ATF6B: variants seen among roughly 807,000 people sequenced by gnomAD.
The protein encoded by ATF6B is cyclic AMP-dependent transcription factor ATF-6 beta.
In ATF6B, 50 loss-of-function variants were observed where a neutral mutation model predicts 83.5. The observed-to-expected ratio is 0.60, with a 90% CI of 0.48 to 0.76. ATF6B has a LOEUF of 0.76. ATF6B is among the 30% of genes least tolerant of loss of function. The pLI, the probability that ATF6B is intolerant of heterozygous loss-of-function variation, is 0.00. For synonymous variants in ATF6B, 344 were observed against 362.8 expected, an observed-to-expected ratio of 0.95 and a Z score of 0.59; for missense variants, 790 against 893.8, an observed-to-expected ratio of 0.88 and a Z score of 1.48.
chr6:32,115,883 G>A lies in ATF6B; in HGVS notation c.1968C>T (p.His656=), dbSNP rs1188986353. The A allele has an allele frequency of 2.5e-6, 4 of 1,614,172 alleles. No homozygotes were observed. Among genetic ancestry groups the A allele is most frequent in the African/African-American group, 2.7e-5 (2 of 75,038 alleles). The change falls in exon 18 of 18, where the codon CAC becomes CAT. Residue 656 remains histidine (H), a synonymous_variant. Transcript: ENST00000375203. ...AGGGGGGCACTGTGGAGGTCTTGATGTGAATCACCCTGGTGTCCATGACCT... is the reference window on the plus strand; with the variant it reads ...AGGGGGGCACTGTGGAGGTCTTGATATGAATCACCCTGGTGTCCATGACCT... ...ECEVMDTRVI[H]IKTSTVPPSL...
intron 2 of ATF6B, 65 bp downstream of exon 2, chr6:32,127,606 T>C (rs1561772111): frequency 1.2e-6 from 2 of 1,611,436 alleles, no homozygotes; most frequent in African/African-American, 1.3e-5. Flanking sequence ...GGCCTGTGAA[T>C]GGGTCCAGGT....
rs771202935 is a variant in ATF6B, at chr6:32,117,899, T to G, written c.1384A>C (p.Lys462Gln). The change falls in exon 12 of 18, where the codon AAG (lysine) becomes CAG (glutamine). Residue 462 changes from lysine to glutamine, a missense_variant. Around this residue, in one of 3 missense-constraint regions of ATF6B, gnomAD observed 530 missense variants for 632.6 expected, o/e 0.84. Transcript: ENST00000375203. This position sits in a 1 kb window ranked among gnomAD's most constrained non-coding sequence, Gnocchi z 5.0. ...EPLQGSSQGP[K>Q]EPQPSPTDQP... Reference sequence around the variant, plus strand: ...TCTGTGGGGCTGGGCTGGGGCTCCTTAGGGCCCTGGGAGGACCCCTGGAGA... The same window carrying G: ...TCTGTGGGGCTGGGCTGGGGCTCCTGAGGGCCCTGGGAGGACCCCTGGAGA... 1 of 1,586,922 alleles carries G rather than the reference T, an allele frequency of 6.3e-7. No homozygotes were observed. The highest frequency in any genetic ancestry group is 1.8e-5 in the Admixed American group (1 of 55,510).
Position 32,119,810 on chromosome 6 carries a change from TCCC to T in ATF6B, c.966+11_966+13del, listed in dbSNP as rs1253740423. 6.2e-7 allele frequency: 1 copy of T among 1,612,946 alleles called. No individual in the cohort carries two copies. Among genetic ancestry groups the T allele is most frequent in the Admixed American group, 1.7e-5 (1 of 59,888 alleles). ...CCCATCACTCGCCCTACTTCTCTCC[TCCC>T]CAACACTTACATCCACTTCAGGCGG... On this transcript the variant is annotated intron_variant, in intron 9 of 17. Transcript: ENST00000375203. This position sits in a 1 kb window ranked among gnomAD's most constrained non-coding sequence, Gnocchi z 4.9.
chr6:32,121,207 T>C, intron 6 of ATF6B, 56 bp downstream of exon 6: 2 of 1,609,772 alleles, frequency 1.2e-6, no homozygotes, highest in Admixed American at 1.7e-5. Context: ...CTCATACCTC[T>C]AGGTCAGGAG....
At chr6:32,127,358 A>G in intron 3 of ATF6B, 84 bp downstream of exon 3, 2 of 1,477,840 alleles carry the variant, frequency 1.4e-6, no homozygotes, top group African/African-American at 2.8e-5. Context: ...AAGCGTGAGG[A>G]TATAGGAAGC....
chr6:32,126,026 G>A (rs1781957678), intron 5 of ATF6B, 91 bp downstream of exon 5: 2 of 1,524,860 alleles, frequency 1.3e-6, no homozygotes, highest in African/African-American at 1.4e-5. Flanking sequence ...CCTGCTGCCT[G>A]CACTTCCCCT....
chr6:32,115,817 T>C lies in ATF6B; in HGVS notation c.2034A>G (p.Thr678=), dbSNP rs755830795. The part of the protein sequence containing the change: ...KQPSPTPGNA[T]GGPLPVSAAS... ...CTGCAGAGACTGGCAAGGGGCCACC[T>C]GTGGCATTGCCTGGGGTTGGGGATG... is the stretch of plus-strand genomic sequence containing the variant. The change falls in exon 18 of 18, where the codon ACA becomes ACG. Residue 678 remains threonine (T), a synonymous_variant. Coordinates refer to ENST00000375203, the MANE Select transcript of ATF6B (RefSeq NM_004381.5). The C allele has an allele frequency of 4.4e-5, 71 of 1,613,860 alleles. No individual in the cohort carries two copies. The highest frequency in any genetic ancestry group is 5.8e-5 in the Non-Finnish European group (69 of 1,179,956).
intron 5 of ATF6B, among the ~76,000 whole-genome samples, chr6:32,121,656 G>A (rs900959169): frequency 8.5e-5 from 13 of 152,206 alleles, no homozygotes; most frequent in African/African-American, 2.2e-4. Flanking sequence ...AGCCAAGATC[G>A]CGCCATTGCA....
Position 32,118,737 on chromosome 6 carries a change from C to T in ATF6B, c.1244+38G>A. 2 of 1,599,656 alleles carry T rather than the reference C, an allele frequency of 1.3e-6. No homozygotes were observed. The highest frequency in any genetic ancestry group is 2.7e-5 in the African/African-American group (2 of 74,728). On this transcript the variant is annotated intron_variant, in intron 11 of 17. Coordinates refer to ENST00000375203, the MANE Select transcript of ATF6B (RefSeq NM_004381.5). The surrounding 1 kb of genome is among the most constrained non-coding windows in gnomAD (Gnocchi z 5.2). ...CAGCTAGGAGGCTGTAACGTGGGCT[C>T]CACCTGGAAGGTTCTAGTGAAGCAA... is the stretch of plus-strand genomic sequence containing the variant.
At chr6:32,127,335 G>T (rs564452675) in intron 3 of ATF6B, 107 bp downstream of exon 3, 17 of 1,369,110 alleles carry the variant, frequency 1.2e-5, no homozygotes, top group Admixed American at 2.3e-5. Flanking sequence ...AGAGAGGATA[G>T]GCACTTATGT....
chr6:32,120,395 G>A (rs1252520214), intron 8 of ATF6B: 1 of 155,872 alleles, frequency 6.4e-6, no homozygotes, highest in Non-Finnish European at 1.4e-5. Flanking sequence ...ACTGTGCCTG[G>A]CCTTTTTTTT....
Position 32,120,818 on chromosome 6 carries a change from GGCACA to G in ATF6B, c.780_784del (p.Val261SerfsTer31), listed in dbSNP as rs781674530. ...CTGCAGAAGGACTGTGGTGCTGGGAGGCACAGCTCTGGATGGCATTGGGACAGTGG... is the reference window on the plus strand; with the variant it reads ...CTGCAGAAGGACTGTGGTGCTGGGAGGCTCTGGATGGCATTGGGACAGTGG... On this transcript the variant is annotated frameshift_variant, in exon 8 of 18. Transcript: ENST00000375203. LOFTEE classifies it high-confidence loss of function. The G allele has an allele frequency of 6.2e-7, 1 of 1,609,988 alleles. No individual in the cohort carries two copies. The highest frequency in any genetic ancestry group is 8.5e-7 in the Non-Finnish European group (1 of 1,177,854).
Position 32,118,146 on chromosome 6 carries a change from C to T in ATF6B, c.1245-108G>A. ...ACTGCTTGAGTTGCAATCTGTTATA[C>T]AAGCCTGAGTCTGCCTCTGTAAGAT... On this transcript the variant is annotated intron_variant, in intron 11 of 17. Transcript: ENST00000375203. This position sits in a 1 kb window ranked among gnomAD's most constrained non-coding sequence, Gnocchi z 5.2. 3 of 1,362,560 alleles carry T rather than the reference C, an allele frequency of 2.2e-6. No homozygotes were observed. The highest frequency in any genetic ancestry group is 3.1e-6 in the Non-Finnish European group (3 of 975,230). The allele number at this position is 1,362,560 out of a possible 1,614,324, so 84.4% of individuals were successfully genotyped here.
At position 32,118,693 on chromosome 6, in the gene ATF6B, T is replaced by G; in HGVS notation, c.1244+82A>C. On this transcript the variant is annotated intron_variant, in intron 11 of 17. Transcript: ENST00000375203. This position sits in a 1 kb window ranked among gnomAD's most constrained non-coding sequence, Gnocchi z 5.2. ...CCATTTGTATATAAGCAGAAGGAAA[T>G]GGCCTGGGCCAAAGCAGGCAGCTAG... 1 of 1,405,430 alleles carries G rather than the reference T, an allele frequency of 7.1e-7. No individual in the cohort carries two copies. 87.1% of individuals were successfully genotyped at this position (1,405,430 alleles called of 1,614,324 possible).
Position 32,116,877 on chromosome 6 carries a change from G to C in ATF6B, c.1686-62C>G, listed in dbSNP as rs1332585938. ...AGCCCAATGCTCAGTTTCTACCAGGGAAGCGGGTAGGATGAGAGAAAAAGA... is the reference window on the plus strand; with the variant it reads ...AGCCCAATGCTCAGTTTCTACCAGGCAAGCGGGTAGGATGAGAGAAAAAGA... On this transcript the variant is annotated intron_variant, in intron 15 of 17. Coordinates refer to ENST00000375203, the MANE Select transcript of ATF6B (RefSeq NM_004381.5). This position sits in a 1 kb window ranked among gnomAD's most constrained non-coding sequence, Gnocchi z 5.1. 1 of 1,575,256 alleles carries C rather than the reference G, an allele frequency of 6.3e-7. No individual in the cohort carries two copies. Among genetic ancestry groups the C allele is most frequent in the Non-Finnish European group, 8.7e-7 (1 of 1,145,586 alleles).
At position 32,116,752 on chromosome 6, in the gene ATF6B, A is replaced by G. The variant is rs1413134838; in HGVS notation, c.1749T>C (p.Asp583=). 1.2e-6 allele frequency: 2 copies of G among 1,614,188 alleles called. No homozygotes were observed. The highest frequency in any genetic ancestry group is 2.2e-5 in the South Asian group (2 of 91,086). Reference sequence around the variant, plus strand: ...ATGTGTCTTCCCGTCGGTCAATTGCATCCAAGAATGCTGGCTGCGAACGGT... The same window carrying G: ...ATGTGTCTTCCCGTCGGTCAATTGCGTCCAAGAATGCTGGCTGCGAACGGT... ...HPDRSQPAFL[D]AIDRREDTFY... is the part of the protein sequence containing the mutation. The change falls in exon 16 of 18, where the codon GAT becomes GAC. Residue 583 remains aspartate, a synonymous_variant. Coordinates refer to ENST00000375203, the MANE Select transcript of ATF6B (RefSeq NM_004381.5). This position sits in a 1 kb window ranked among gnomAD's most constrained non-coding sequence, Gnocchi z 5.1.
intron 5 of ATF6B, among the ~76,000 whole-genome samples, chr6:32,122,067 C>A (rs1268770959): frequency 6.6e-6 from 1 of 152,178 alleles, no homozygotes; most frequent in Non-Finnish European, 1.5e-5. Flanking sequence ...CTTATCCCTG[C>A]CCAATGCATC....
chr6:32,127,387 C>G lies in ATF6B; in HGVS notation c.250+55G>C, dbSNP rs1237303121. The stretch of plus-strand genomic sequence containing the variant: ...AGGAAGCTACGTAGTTTCTGGGAAA[C>G]AGTGGGAAGATGAGGGTTTCTGGAA... On this transcript the variant is annotated intron_variant, in intron 3 of 17. Transcript: ENST00000375203. The G allele has an allele frequency of 1.0e-5, 16 of 1,558,338 alleles. 2 individuals are homozygous for G. In the South Asian group the frequency reaches 1.4e-4, roughly 13 times the overall value.
In ATF6B at chr6:32,121,256, T is replaced by G. The variant is rs1485974928; in HGVS notation, c.564+7A>C. 8.7e-6 allele frequency: 14 copies of G among 1,613,628 alleles called. No individual in the cohort carries two copies. The highest frequency in any genetic ancestry group is 8.5e-7 in the Non-Finnish European group (1 of 1,179,848). Reference sequence around the variant, plus strand: ...AACCTGGAGGAAGGAAGGAAGGTGGTGCTCACCTGGCTGGAGGAGTCGGCT... The same window carrying G: ...AACCTGGAGGAAGGAAGGAAGGTGGGGCTCACCTGGCTGGAGGAGTCGGCT... On this transcript the variant is annotated splice_region_variant and intron_variant, in intron 6 of 17. Transcript: ENST00000375203.
Sources: allele counts gnomAD v4.1 joint callset (sites outside exome capture counted in the v4.1 genomes callset), GRCh38; gene constraint gnomAD v4.1.1; regional missense constraint gnomAD v4.1.1; non-coding constraint Gnocchi (gnomAD v3.1); transcripts MANE v1.5; gene names NCBI Gene and HGNC (gene_info 2026-07-23, HGNC 2026-07-21).